Variants in XPR1 observed in about 807,000 individuals in gnomAD.
XPR1 encodes the protein solute carrier family 53 member 1.
In XPR1, 28 loss-of-function variants were observed where a neutral mutation model predicts 87.5. That is an observed-to-expected ratio of 0.32 (90% CI 0.24 to 0.44). The LOEUF (loss-of-function observed/expected upper bound fraction) is 0.44. Among genes scored for constraint, XPR1 ranks in the 20% least tolerant of loss-of-function variants. The probability of loss-of-function intolerance (pLI) is 1.00; values close to 1 mark genes in which losing one functional copy is unlikely to be tolerated. For missense variants in XPR1, 559 were observed against 862.3 expected (o/e 0.65, Z 4.41); for synonymous variants, 300 against 306.1 (o/e 0.98, Z 0.21).
chr1:180,854,658 G>A (rs1451422310), intron 11 of XPR1, among the ~76,000 whole-genome samples: 1 of 152,218 alleles, frequency 6.6e-6, no homozygotes, highest in Non-Finnish European at 1.5e-5. Flanking sequence ...CACAGTGTCA[G>A]ATGGTCTGTT....
intron 7 of XPR1, among the ~76,000 whole-genome samples, chr1:180,816,118 A>T (rs1157147000): frequency 2.0e-5 from 3 of 152,178 alleles, no homozygotes; most frequent in Non-Finnish European, 4.4e-5. Flanking sequence ...TGGACACAGC[A>T]CTTTGGAGAA....
chr1:180,825,397 T>A lies in XPR1; in HGVS notation c.1134+53T>A, dbSNP rs1571872547. ...TTAGAGTGGCATATTGGTTATTGAC[T>A]TCCTCTAAGATAAAACCAAGGCTGC... On this transcript the variant is annotated intron_variant, in intron 9 of 14. Coordinates refer to ENST00000367590, the MANE Select transcript of XPR1 (RefSeq NM_004736.4). 9 of 1,545,072 alleles carry A rather than the reference T, an allele frequency of 5.8e-6. No individual in the cohort carries two copies. In the East Asian group the frequency reaches 2.0e-4, roughly 35 times the overall value.
At chr1:180,836,483 T>C (rs1031997297) in intron 10 of XPR1, 39 bp from the exon 11 acceptor site, 1 of 1,611,308 alleles carries the variant, frequency 6.2e-7, no homozygotes, top group South Asian at 1.1e-5. Context: ...CAAGTTACTT[T>C]TTTTCAATGG....
At chr1:180,734,896 C>T (rs1458524539) in intron 2 of XPR1, among the ~76,000 whole-genome samples, 1 of 152,152 alleles carries the variant, frequency 6.6e-6, no homozygotes, top group East Asian at 1.9e-4. Flanking sequence ...GGACCATTGC[C>T]TTAGCAGCAA....
intron 1 of XPR1, among the ~76,000 whole-genome samples, chr1:180,676,164 A>G (rs901504629): frequency 2.0e-5 from 3 of 152,282 alleles, no homozygotes; most frequent in East Asian, 1.9e-4. Flanking sequence ...TACATATCAG[A>G]GATTCTACTT....
intron 2 of XPR1, among the ~76,000 whole-genome samples, chr1:180,759,669 C>T (rs923139577): frequency 9.2e-5 from 14 of 152,260 alleles, no homozygotes; most frequent in East Asian, 1.9e-4. Context: ...GATTCACAGC[C>T]GAGTTCTACC....
chr1:180,646,215 G>A (rs1655115619), intron 1 of XPR1, among the ~76,000 whole-genome samples: 1 of 152,150 alleles, frequency 6.6e-6, no homozygotes, highest in African/African-American at 2.4e-5. Context: ...CTTTTGAACT[G>A]CAGCCTCTCC....
At chr1:180,840,152 A>G (rs1373793609) in intron 11 of XPR1, among the ~76,000 whole-genome samples, 2 of 149,524 alleles carry the variant, frequency 1.3e-5, no homozygotes, top group Non-Finnish European at 3.0e-5. Flanking sequence ...GAACCCGGGA[A>G]GCGGAGCTTG....
At chr1:180,769,563 G>C (rs540809386) in intron 2 of XPR1, among the ~76,000 whole-genome samples, 9 of 151,798 alleles carry the variant, frequency 5.9e-5, no homozygotes, top group African/African-American at 2.2e-4. Flanking sequence ...GGCTTATTTT[G>C]TGTAACATAA....
At chr1:180,644,336 G>A (rs1221156237) in intron 1 of XPR1, among the ~76,000 whole-genome samples, 1 of 151,724 alleles carries the variant, frequency 6.6e-6, no homozygotes, top group Non-Finnish European at 1.5e-5. Context: ...ATGCTTATAT[G>A]TGCTGCCGTT....
At chr1:180,681,523 G>A (rs1182472167) in intron 1 of XPR1, among the ~76,000 whole-genome samples, 1 of 152,164 alleles carries the variant, frequency 6.6e-6, no homozygotes, top group Non-Finnish European at 1.5e-5. Flanking sequence ...GCGGGCGCCT[G>A]TAGTCCCAGC....
At chr1:180,673,248 TA>T (rs1410324696) in intron 1 of XPR1, among the ~76,000 whole-genome samples, 2 of 152,170 alleles carry the variant, frequency 1.3e-5, no homozygotes, top group African/African-American at 4.8e-5. Flanking sequence ...TCTCATTGAA[TA>T]TACATGTTAA....
At chr1:180,829,635 CTG>C (rs1377962257) in intron 9 of XPR1, among the ~76,000 whole-genome samples, 3 of 152,150 alleles carry the variant, frequency 2.0e-5, no homozygotes, top group Admixed American at 6.6e-5. Flanking sequence ...CCCAACTAGA[CTG>C]TGGATCATTA....
intron 2 of XPR1, among the ~76,000 whole-genome samples, chr1:180,714,350 TCTCTCTCTCTCTCTC>T (rs1307808229): frequency 8.9e-3 from 58 of 6,506 alleles, no homozygotes; most frequent in African/African-American, 0.03. Context: ...TTTTCCCTGT[TCTCTCTCTCTCTCTC>T]TCTCTCTCTC....
At chr1:180,666,252 T>G (rs192952791) in intron 1 of XPR1, among the ~76,000 whole-genome samples, 9 of 152,332 alleles carry the variant, frequency 5.9e-5, no homozygotes, top group Admixed American at 5.2e-4. Flanking sequence ...TTCTTCAAGA[T>G]TCTTGTAGCT....
rs201051930 is a variant in XPR1, at chr1:180,632,303, G to T, written c.69+33G>T. 1.4e-5 allele frequency: 23 copies of T among 1,599,614 alleles called. No homozygotes were observed. The East Asian group carries it at 2.0e-4, about 14-fold the overall frequency. On this transcript the variant is annotated intron_variant, in intron 1 of 14. Transcript: ENST00000367590. ...CACGGCTGGGGTGTGGGAGGACTCGGAGGGGCCACCATCTCGCCAGTCCTG... is the reference window on the plus strand; with the variant it reads ...CACGGCTGGGGTGTGGGAGGACTCGTAGGGGCCACCATCTCGCCAGTCCTG...
chr1:180,695,108 C>G (rs1226027383), intron 2 of XPR1, among the ~76,000 whole-genome samples: 5 of 152,030 alleles, frequency 3.3e-5, no homozygotes, highest in African/African-American at 1.2e-4. Context: ...AAGTTGATAT[C>G]TCATTGTGGT....
At chr1:180,720,139 GAGAT>G (rs1440564597) in intron 2 of XPR1, among the ~76,000 whole-genome samples, 1 of 152,022 alleles carries the variant, frequency 6.6e-6, no homozygotes, top group Non-Finnish European at 1.5e-5. Context: ...GTGGTGTTAC[GAGAT>G]AGGAGAGGGG....
intron 2 of XPR1, among the ~76,000 whole-genome samples, chr1:180,767,665 C>T (rs949753629): frequency 6.6e-6 from 1 of 151,926 alleles, no homozygotes; most frequent in African/African-American, 2.4e-5. Flanking sequence ...GGAAAGTATA[C>T]CTCACAAAAT....
Sources: allele counts gnomAD v4.1 joint callset (sites outside exome capture counted in the v4.1 genomes callset), GRCh38; gene constraint gnomAD v4.1.1; transcripts MANE v1.5; gene names NCBI Gene and HGNC (gene_info 2026-07-23, HGNC 2026-07-21).